The following ACACA variants were observed in gnomAD, a reference collection of about 807,000 sequenced individuals.
The protein encoded by ACACA is acetyl-CoA carboxylase 1.
Under a neutral mutation model 296.1 loss-of-function variants are expected in ACACA, and 103 were observed. The observed-to-expected ratio is 0.35, with a 90% CI of 0.30 to 0.41. The LOEUF (loss-of-function observed/expected upper bound fraction) is 0.41, where lower values mean the gene tolerates loss of function less well. Among genes scored for constraint, ACACA ranks in the 10% least tolerant of loss-of-function variants. The probability of loss-of-function intolerance (pLI) is 1.00; values close to 1 mark genes in which losing one functional copy is unlikely to be tolerated. For synonymous variants in ACACA, 953 were observed against 1,038.6 expected (o/e 0.92, Z 1.58); for missense variants, 1,554 against 2,989.7 (o/e 0.52, Z 11.20).
At chr17:37,194,100 C>G (rs914975571) in intron 35 of ACACA, among the ~76,000 whole-genome samples, 4 of 151,912 alleles carry the variant, frequency 2.6e-5, no homozygotes, top group African/African-American at 9.7e-5. Flanking sequence ...ATTCAATTAG[C>G]AGAGTTCATT....
intron 25 of ACACA, among the ~76,000 whole-genome samples, chr17:37,231,483 C>T (rs1287096851): frequency 6.6e-6 from 1 of 152,136 alleles, no homozygotes; most frequent in Non-Finnish European, 1.5e-5. Context: ...TTAATATCAC[C>T]CTTATTCAGT....
intron 1 of ACACA, among the ~76,000 whole-genome samples, chr17:37,390,323 T>TA (rs1490999855): frequency 2.1e-5 from 1 of 46,668 alleles, no homozygotes; most frequent in African/African-American, 9.9e-5. Flanking sequence ...TATATATATA[T>TA]ATATATATAT....
chr17:37,291,163 C>CACACATCTCA (rs2083044177), intron 3 of ACACA, among the ~76,000 whole-genome samples: 1 of 91,824 alleles, frequency 1.1e-5, no homozygotes, highest in Non-Finnish European at 2.0e-5. Flanking sequence ...CACACACACA[C>CACACATCTCA]ACACATCTCA....
chr17:37,388,875 G>A, intron 1 of ACACA: 1 of 1,520,552 alleles, frequency 6.6e-7, no homozygotes, highest in South Asian at 1.2e-5. Flanking sequence ...GGCATAAGGA[G>A]AAAAGCATAG....
chr17:37,304,893 C>A (rs538999647), intron 3 of ACACA, among the ~76,000 whole-genome samples: 1 of 151,494 alleles, frequency 6.6e-6, no homozygotes, highest in East Asian at 1.9e-4. Flanking sequence ...GCCAGGAGTT[C>A]GAAACCAGCC....
At chr17:37,221,871 A>C in intron 28 of ACACA, 29 bp from the exon 29 acceptor site, 1 of 1,574,948 alleles carries the variant, frequency 6.3e-7, no homozygotes, top group Non-Finnish European at 8.7e-7. Context: ...TCAGTAAATA[A>C]ATTTCAAAAA....
At position 37,085,349 on chromosome 17, in the gene ACACA, G is replaced by A. The variant is rs2072130940; in HGVS notation, c.*1967C>T. ...CTAGAGAGGAAACATACTCGTTTGT[G>A]TCATAATTTGGTGGGGAGAGGGGAG... On this transcript the variant is annotated 3_prime_UTR_variant, in exon 56 of 56. Transcript: ENST00000616317. The A allele has an allele frequency of 2.8e-6, 1 of 354,652 alleles. No homozygotes were observed. The highest frequency in any genetic ancestry group is 5.0e-6 in the Non-Finnish European group (1 of 198,440). The allele number at this position is 354,652 out of a possible 1,614,324, so 22.0% of individuals were successfully genotyped here.
Position 37,275,896 on chromosome 17 carries a change from A to G in ACACA, c.901+55T>C, listed in dbSNP as rs1479647996. On this transcript the variant is annotated intron_variant, in intron 8 of 55. Transcript: ENST00000616317. ...CTTTTTCAAAAGAGGTAAGTCCCAAATATCCTACTGAGCTATTCTGTACTT... is the reference window on the plus strand; with the variant it reads ...CTTTTTCAAAAGAGGTAAGTCCCAAGTATCCTACTGAGCTATTCTGTACTT... The G allele has an allele frequency of 2.3e-5, 33 of 1,465,990 alleles. No individual in the cohort carries two copies. In the South Asian group the frequency reaches 2.5e-4, roughly 11 times the overall value. 90.8% of individuals were successfully genotyped at this position (1,465,990 alleles called of 1,614,324 possible). A position where few individuals can be genotyped will look rare whatever the true frequency, so the allele number is the denominator to read the frequency against.
chr17:37,264,768 T>C (rs2081672923), intron 10 of ACACA, among the ~76,000 whole-genome samples: 1 of 152,200 alleles, frequency 6.6e-6, no homozygotes, highest in South Asian at 2.1e-4. Flanking sequence ...CACATAACCA[T>C]ATGTCTTTTA....
chr17:37,220,891 C>T (rs1052037332), intron 29 of ACACA, among the ~76,000 whole-genome samples: 7 of 151,990 alleles, frequency 4.6e-5, no homozygotes, highest in African/African-American at 1.5e-4. Flanking sequence ...CTTTGTAATA[C>T]CAAGTGAAGA....
intron 52 of ACACA, among the ~76,000 whole-genome samples, chr17:37,108,694 T>C (rs2073827357): frequency 6.6e-6 from 1 of 152,152 alleles, no homozygotes; most frequent in South Asian, 2.1e-4. Flanking sequence ...GGAGTAATTA[T>C]GTTTTTGAAC....
At chr17:37,389,422 C>G in intron 1 of ACACA, 1 of 1,536,464 alleles carries the variant, frequency 6.5e-7, no homozygotes, top group Non-Finnish European at 8.8e-7. Context: ...AGGGGCCGGG[C>G]GTGGTGGCTC....
chr17:37,205,249 G>A (rs985298684), intron 33 of ACACA, among the ~76,000 whole-genome samples: 2 of 151,994 alleles, frequency 1.3e-5, no homozygotes, highest in Admixed American at 1.3e-4. Flanking sequence ...TTTTTGTTTT[G>A]TTTTATGAGG....
rs73982275 is a variant in ACACA at position 37,225,580 on chromosome 17, C to T, written c.3361-475G>A. Reference sequence around the variant, plus strand: ...CCCAGGTACTCGGCACCAAGGAGAACGCGTCAGGAAGTAACACCAGTGTGT... The same window carrying T: ...CCCAGGTACTCGGCACCAAGGAGAATGCGTCAGGAAGTAACACCAGTGTGT... On this transcript the variant is annotated intron_variant, in intron 26 of 55. Transcript: ENST00000616317. 175 of 187,518 alleles carry T rather than the reference C, an allele frequency of 9.3e-4. 1 individual carries two copies. The highest frequency in any genetic ancestry group is 4.1e-3 in the African/African-American group (172 of 42,220). The allele number at this position is 187,518 out of a possible 1,614,324, so 11.6% of individuals were successfully genotyped here.
At chr17:37,362,462 CAG>C (rs1483896146) in intron 1 of ACACA, among the ~76,000 whole-genome samples, 3 of 152,172 alleles carry the variant, frequency 2.0e-5, no homozygotes, top group Admixed American at 6.5e-5. Context: ...CACATTAAAA[CAG>C]AGTGTCTGTG....
chr17:37,118,494 C>T (rs1019928922), intron 50 of ACACA, among the ~76,000 whole-genome samples: 6 of 152,132 alleles, frequency 3.9e-5, no homozygotes, highest in Admixed American at 1.3e-4. Flanking sequence ...CAAGGACATC[C>T]CCAAAGTAGA....
intron 52 of ACACA, among the ~76,000 whole-genome samples, chr17:37,106,368 C>A (rs2142939698): frequency 6.6e-6 from 1 of 152,124 alleles, no homozygotes; most frequent in East Asian, 1.9e-4. Context: ...TTTTTTAAAA[C>A]CCCATTTTCA....
At chr17:37,330,734 G>C (rs563958312) in intron 2 of ACACA, among the ~76,000 whole-genome samples, 1 of 152,120 alleles carries the variant, frequency 6.6e-6, no homozygotes, top group African/African-American at 2.4e-5. Flanking sequence ...ATGATCAATG[G>C]GGAAACCTTT....
rs368271343 is a variant in ACACA at position 37,099,401 on chromosome 17, A to G, written c.6566-1417T>C. Among the ~76,000 whole-genome samples, 4 of 152,122 alleles carry G rather than the reference A, an allele frequency of 2.6e-5. No individual in the cohort carries two copies. In the East Asian group the frequency reaches 7.7e-4, roughly 29 times the overall value. ...AACGCACCGGGCCCCACACTAAGGG[A>G]TGACACAAAGGCCCATTGCATTCTA... On this transcript the variant is annotated intron_variant, in intron 52 of 55. Coordinates refer to ENST00000616317, the MANE Select transcript of ACACA (RefSeq NM_198834.3).
Sources: gnomAD v4.1 joint callset for allele counts (sites outside exome capture counted in the v4.1 genomes callset) on GRCh38, gnomAD v4.1.1 for gene constraint, MANE v1.5 for transcripts, NCBI Gene and HGNC (gene_info 2026-07-23, HGNC 2026-07-21) for gene names.